Variants in FRMD6 observed in about 807,000 individuals in gnomAD.
FRMD6 encodes FERM domain-containing protein 6.
A neutral mutation model predicts 73.2 loss-of-function variants in FRMD6; 37 were observed. The ratio of observed to expected loss-of-function variants is 0.51; its 90% CI spans 0.39 to 0.66. The LOEUF (loss-of-function observed/expected upper bound fraction) is 0.66, where lower values mean the gene tolerates loss of function less well. Among genes scored for constraint, FRMD6 ranks in the 30% least tolerant of loss-of-function variants. The pLI, the probability that FRMD6 is intolerant of heterozygous loss-of-function variation, is 0.00. For missense variants in FRMD6, 714 were observed against 780.5 expected (o/e 0.91, Z 1.02); for synonymous variants, 273 against 282.2 (o/e 0.97, Z 0.33).
At chr14:51,438,990 G>A in the FRMD6 span, among the ~76,000 whole-genome samples, 3 of 152,166 alleles carry the variant, frequency 2.0e-5, no homozygotes, top group Non-Finnish European at 4.4e-5. Context: ...TATAAATCTG[G>A]GTGGGGTAAT....
chr14:51,527,830 A>G (rs1461693715), intron 1 of FRMD6, among the ~76,000 whole-genome samples: 2 of 152,198 alleles, frequency 1.3e-5, no homozygotes, highest in Non-Finnish European at 2.9e-5. Context: ...ACTGCAGTCA[A>G]ATATGATCCC....
chr14:51,418,923 G>A, the FRMD6 span, among the ~76,000 whole-genome samples: 9 of 152,212 alleles, frequency 5.9e-5, no homozygotes, highest in Non-Finnish European at 1.0e-4. Flanking sequence ...TGCCTTGCAG[G>A]TTGATCTCAG....
chr14:51,401,230 A>G, the FRMD6 span, among the ~76,000 whole-genome samples: 1 of 152,254 alleles, frequency 6.6e-6, no homozygotes, highest in Non-Finnish European at 1.5e-5. Context: ...CTTCCAAGAC[A>G]TGGCAGAAAA....
chr14:51,539,610 C>T (rs1320983820), intron 1 of FRMD6, among the ~76,000 whole-genome samples: 1 of 152,070 alleles, frequency 6.6e-6, no homozygotes, highest in Admixed American at 6.5e-5. Flanking sequence ...ATTCTGGCTT[C>T]CTTCTGGGCA....
chr14:51,593,295 T>A, intron 2 of FRMD6, among the ~76,000 whole-genome samples: 1 of 152,334 alleles, frequency 6.6e-6, no homozygotes, highest in Non-Finnish European at 1.5e-5. Flanking sequence ...TAGCCTCTAA[T>A]GCAGCCAAAG....
the FRMD6 span, among the ~76,000 whole-genome samples, chr14:51,435,415 TA>T: frequency 2.8e-4 from 36 of 129,630 alleles, no homozygotes; most frequent in African/African-American, 9.8e-4. Flanking sequence ...ATCCCATCTC[TA>T]TTTAAAAAAA....
intron 9 of FRMD6, chr14:51,714,406 G>A (rs751691043): frequency 2.6e-5 from 4 of 152,062 alleles, no homozygotes; most frequent in Non-Finnish European, 5.9e-5. Flanking sequence ...GTTAGAATAT[G>A]TCTCCGTTCT....
intron 2 of FRMD6, chr14:51,584,292 G>A (rs1888898213): frequency 6.6e-6 from 1 of 152,380 alleles, no homozygotes; most frequent in Admixed American, 6.5e-5. Flanking sequence ...GCCTGGAAGG[G>A]AGAGACAAGA....
rs565916388 is a variant in FRMD6 at position 51,686,806 on chromosome 14, A to G, written c.-146-2885A>G. ...TTGTGAGGCTGACTTCTAAAATTCA[A>G]ATTGGTATAAATTTAATCTAATTCT... On this transcript the variant is annotated intron_variant, in intron 1 of 13. Coordinates refer to ENST00000344768, the MANE Select transcript of FRMD6 (RefSeq NM_001267046.2). Among the ~76,000 whole-genome samples the G allele has an allele frequency of 5.9e-5, 9 of 152,240 alleles. No individual in the cohort carries two copies. The East Asian group carries it at 1.7e-3, about 29-fold the overall frequency.
chr14:51,720,885 T>C (rs774808852), intron 11 of FRMD6, among the ~76,000 whole-genome samples: 4 of 152,224 alleles, frequency 2.6e-5, no homozygotes, highest in Non-Finnish European at 5.9e-5. Flanking sequence ...TAGCACCTGG[T>C]TGATAGGAAC....
chr14:51,693,184 G>T (rs1213830082), intron 2 of FRMD6, among the ~76,000 whole-genome samples: 1 of 152,130 alleles, frequency 6.6e-6, no homozygotes, highest in Admixed American at 6.6e-5. Context: ...ACCTCTTCCA[G>T]CCTCAACATC....
chr14:51,411,971 T>C, the FRMD6 span, among the ~76,000 whole-genome samples: 1 of 152,216 alleles, frequency 6.6e-6, no homozygotes, highest in African/African-American at 2.4e-5. Context: ...ATCATTGAAA[T>C]ACTATAAATC....
the FRMD6 span, among the ~76,000 whole-genome samples, chr14:51,471,366 T>C: frequency 6.6e-6 from 1 of 152,012 alleles, no homozygotes; most frequent in Non-Finnish European, 1.5e-5. Context: ...CCGGGCGTGG[T>C]GGCAGGCGCC....
intron 1 of FRMD6, among the ~76,000 whole-genome samples, chr14:51,496,907 CAT>C (rs1200077347): frequency 6.6e-6 from 1 of 152,174 alleles, no homozygotes; most frequent in Non-Finnish European, 1.5e-5. Flanking sequence ...AAATTTCTCA[CAT>C]GTAATTTCTC....
chr14:51,516,131 C>T (rs991132053), intron 1 of FRMD6, among the ~76,000 whole-genome samples: 2 of 152,136 alleles, frequency 1.3e-5, no homozygotes, highest in African/African-American at 4.8e-5. Context: ...GTTTCTCCTC[C>T]TGCCAAAGAG....
chr14:51,474,697 A>T, the FRMD6 span, among the ~76,000 whole-genome samples: 4 of 152,184 alleles, frequency 2.6e-5, no homozygotes, highest in Non-Finnish European at 5.9e-5. Context: ...TTTGAGAAGG[A>T]TCTTGAGAGA....
intron 2 of FRMD6, among the ~76,000 whole-genome samples, chr14:51,597,407 G>A (rs1373548760): frequency 1.3e-5 from 2 of 152,174 alleles, no homozygotes; most frequent in Non-Finnish European, 2.9e-5. Flanking sequence ...GGCTATATAG[G>A]ATTTGGACAA....
At chr14:51,447,787 C>T in the FRMD6 span, among the ~76,000 whole-genome samples, 1 of 152,326 alleles carries the variant, frequency 6.6e-6, no homozygotes, top group African/African-American at 2.4e-5. Context: ...TTCCATTCCC[C>T]ACCCCTCAAC....
chr14:51,615,411 T>TA (rs1230871497), intron 2 of FRMD6, among the ~76,000 whole-genome samples: 3 of 152,210 alleles, frequency 2.0e-5, no homozygotes, highest in African/African-American at 7.2e-5. Flanking sequence ...AAATTCATCC[T>TA]AAGCAAGTAA....
Sources: allele counts gnomAD v4.1 joint callset (sites outside exome capture counted in the v4.1 genomes callset), GRCh38; gene constraint gnomAD v4.1.1; transcripts MANE v1.5; gene names NCBI Gene and HGNC (gene_info 2026-07-23, HGNC 2026-07-21).